Variants in TDP1 observed in about 807,000 individuals in gnomAD.
TDP1 encodes tyr-DNA phosphodiesterase 1.
In TDP1, 64 loss-of-function variants were observed where a neutral mutation model predicts 81.5. That is an observed-to-expected ratio of 0.79 (90% CI 0.64 to 0.97). The LOEUF is 0.97. Ranked by LOEUF, TDP1 falls within the 50% of genes least tolerant of loss-of-function variation. The pLI, the probability that TDP1 is intolerant of heterozygous loss-of-function variation, is 0.00. For synonymous variants in TDP1, 256 were observed against 264.3 expected, an observed-to-expected ratio of 0.97 and a Z score of 0.30; for missense variants, 723 against 743.8, an observed-to-expected ratio of 0.97 and a Z score of 0.33.
chr14:90,033,325 A>T lies in TDP1; in HGVS notation c.1753+111A>T, dbSNP rs1403253617. On this transcript the variant is annotated intron_variant, in intron 16 of 16. Coordinates refer to ENST00000335725, the MANE Select transcript of TDP1 (RefSeq NM_018319.4). ...ATCCTGGCTCATGGAACCCTCTGGA[A>T]GCTCAAGTTTGCAGAGGGCCCTTTG... is the stretch of plus-strand genomic sequence containing the variant. The T allele has an allele frequency of 2.1e-5, 16 of 746,708 alleles. No homozygotes were observed. In the Admixed American group the frequency reaches 3.2e-4, roughly 15 times the overall value. The allele number at this position is 746,708 out of a possible 1,614,324, so 46.3% of individuals were successfully genotyped here.
Position 89,975,643 on chromosome 14 carries a change from T to G in TDP1, c.757-138T>G, listed in dbSNP as rs1243593820. ...TGCTATTATAAAAGCTGTCTTGTTATTCAAGGGCTTGCCTGGTAGAGATCA... is the reference window on the plus strand; with the variant it reads ...TGCTATTATAAAAGCTGTCTTGTTAGTCAAGGGCTTGCCTGGTAGAGATCA... On this transcript the variant is annotated intron_variant, in intron 6 of 16. Transcript: ENST00000335725. 3 of 988,002 alleles carry G rather than the reference T, an allele frequency of 3.0e-6. No individual in the cohort carries two copies. In the East Asian group the frequency reaches 7.8e-5, roughly 26 times the overall value. The allele number at this position is 988,002 out of a possible 1,614,324, so 61.2% of individuals were successfully genotyped here.
chr14:90,022,128 A>T (rs538135568), intron 15 of TDP1, among the ~76,000 whole-genome samples: 70 of 152,336 alleles, frequency 4.6e-4, no homozygotes, highest in African/African-American at 1.7e-3. Flanking sequence ...TCATAGAGTC[A>T]GATGGCCACC....
At chr14:89,978,472 C>T (rs1421788812) in intron 7 of TDP1, among the ~76,000 whole-genome samples, 1 of 152,200 alleles carries the variant, frequency 6.6e-6, no homozygotes, top group Non-Finnish European at 1.5e-5. Context: ...GGAATAGCTG[C>T]GCATTTGGGT....
intron 5 of TDP1, 33 bp from the exon 6 acceptor site, chr14:89,971,142 G>T (rs753742410): frequency 7.0e-6 from 11 of 1,577,814 alleles, no homozygotes; most frequent in Non-Finnish European, 9.6e-6. Context: ...GGCCATGAAT[G>T]ATGTATATTA....
At chr14:89,967,331 C>A in intron 4 of TDP1, 36 bp from the exon 5 acceptor site, 1 of 1,601,734 alleles carries the variant, frequency 6.2e-7, no homozygotes, top group Non-Finnish European at 8.6e-7. Flanking sequence ...GGCAGAATTA[C>A]CTATGGCTTA....
At chr14:89,957,065 G>A (rs532437598) in intron 2 of TDP1, 1 of 152,146 alleles carries the variant, frequency 6.6e-6, no homozygotes, top group African/African-American at 2.4e-5. Flanking sequence ...CACCTCTGCC[G>A]GCTGGGTTCC....
chr14:89,965,815 C>A, intron 3 of TDP1: 1 of 984,804 alleles, frequency 1.0e-6, no homozygotes, highest in South Asian at 4.7e-5. Flanking sequence ...TGAATGGGTA[C>A]TTGGAGGAGG....
At chr14:89,959,579 G>C (rs1460446006) in intron 2 of TDP1, among the ~76,000 whole-genome samples, 1 of 152,138 alleles carries the variant, frequency 6.6e-6, no homozygotes, top group Non-Finnish European at 1.5e-5. Flanking sequence ...AAGCAACTCA[G>C]GCATATTTTT....
intron 7 of TDP1, among the ~76,000 whole-genome samples, chr14:89,978,094 G>A (rs1281270075): frequency 6.6e-6 from 1 of 152,164 alleles, no homozygotes; most frequent in Admixed American, 6.5e-5. Context: ...TCTGTAGTCA[G>A]GCCCCCACCA....
intron 8 of TDP1, 84 bp downstream of exon 8, chr14:89,980,716 A>ATT (rs35916493): frequency 8.0e-5 from 85 of 1,063,744 alleles, no homozygotes; most frequent in African/African-American, 3.1e-4. Context: ...TCTTTTTTCT[A>ATT]TTTTTTTTTT....
intron 14 of TDP1, among the ~76,000 whole-genome samples, chr14:90,018,411 G>T (rs1332265189): frequency 6.6e-6 from 1 of 152,102 alleles, no homozygotes; most frequent in Admixed American, 6.5e-5. Flanking sequence ...TATGCACCTT[G>T]GCACCTCTTG....
chr14:89,970,730 G>A, intron 5 of TDP1: 4 of 711,124 alleles, frequency 5.6e-6, no homozygotes, highest in Non-Finnish European at 6.9e-6. Flanking sequence ...TGTTAGCCCT[G>A]TCTTCATTCA....
chr14:90,025,527 C>A (rs1886550223), intron 15 of TDP1, among the ~76,000 whole-genome samples: 2 of 152,146 alleles, frequency 1.3e-5, no homozygotes, highest in Non-Finnish European at 2.9e-5. Context: ...TGTCAAGGTA[C>A]ATTTGACTTT....
chr14:90,010,448 T>C (rs535863079), intron 14 of TDP1, among the ~76,000 whole-genome samples: 2 of 152,202 alleles, frequency 1.3e-5, no homozygotes, highest in African/African-American at 4.8e-5. Context: ...TTAAATTATC[T>C]GGCAAAGGGG....
intron 10 of TDP1, among the ~76,000 whole-genome samples, chr14:89,986,621 C>T (rs1213072421): frequency 1.3e-5 from 2 of 152,190 alleles, no homozygotes; most frequent in Non-Finnish European, 2.9e-5. Flanking sequence ...GAAGGCCGGC[C>T]GGTGATTAGG....
At chr14:90,024,049 C>T (rs1351107875) in intron 15 of TDP1, among the ~76,000 whole-genome samples, 1 of 152,220 alleles carries the variant, frequency 6.6e-6, no homozygotes, top group African/African-American at 2.4e-5. Context: ...ACTTCACCTC[C>T]CTGGGCCACA....
At chr14:89,996,631 C>A (rs1342528348) in intron 14 of TDP1, among the ~76,000 whole-genome samples, 1 of 152,220 alleles carries the variant, frequency 6.6e-6, no homozygotes, top group Admixed American at 6.5e-5. Context: ...ATGAGATGGT[C>A]ATGTCTACTA....
intron 14 of TDP1, among the ~76,000 whole-genome samples, chr14:89,998,372 TTATATATATATATA>T (rs58264054): frequency 0.042 from 2,236 of 53,070 alleles, 77 homozygotes; most frequent in East Asian, 0.072. Context: ...TCCAAGCACA[TTATATATATATATA>T]TATATATATA....
chr14:90,000,251 G>A (rs79959539), intron 14 of TDP1, among the ~76,000 whole-genome samples: 8,806 of 152,252 alleles, frequency 0.058, 840 homozygotes, highest in African/African-American at 0.2. Context: ...ACCCAGGATT[G>A]TTTCCCTTTT....
Sources: allele counts gnomAD v4.1 joint callset (sites outside exome capture counted in the v4.1 genomes callset), GRCh38; gene constraint gnomAD v4.1.1; transcripts MANE v1.5; gene names NCBI Gene and HGNC (gene_info 2026-07-23, HGNC 2026-07-21).